Variants in RASL12 observed in about 807,000 individuals in gnomAD.
RASL12 encodes RAS like family 12.
Under a neutral mutation model 22.9 loss-of-function variants are expected in RASL12, and 16 were observed. That is an observed-to-expected ratio of 0.70 (90% confidence interval 0.47 to 1.06). The LOEUF is 1.06. Ranked by LOEUF, RASL12 falls within the 50% of genes least tolerant of loss-of-function variation. The probability of loss-of-function intolerance (pLI) is 0.00; values close to 1 mark genes in which losing one functional copy is unlikely to be tolerated. For synonymous variants in RASL12, 159 were observed against 152.2 expected, an observed-to-expected ratio of 1.04 and a Z score of -0.33; for missense variants, 306 against 353.1, an observed-to-expected ratio of 0.87 and a Z score of 1.07.
chr15:65,070,749 C>A (rs1595910564), upstream of RASL12, among the ~76,000 whole-genome samples: 1 of 152,188 alleles, frequency 6.6e-6, no homozygotes, highest in East Asian at 1.9e-4. Flanking sequence ...GCTTTTGGTA[C>A]CCTTTCGCGA....
chr15:65,046,815 A>G, the RASL12 span, among the ~76,000 whole-genome samples: 1 of 151,568 alleles, frequency 6.6e-6, no homozygotes, highest in Non-Finnish European at 1.5e-5. Flanking sequence ...CAGGAGGCTG[A>G]GGTGAGAGGA....
upstream of RASL12, among the ~76,000 whole-genome samples, chr15:65,072,034 C>T (rs1221551084): frequency 2.0e-5 from 3 of 152,226 alleles, no homozygotes; most frequent in African/African-American, 7.2e-5. Context: ...ACCACTAAGG[C>T]CACCAGCAAG....
chr15:65,058,285 CACAA>C (rs1331629241), intron 4 of RASL12, 138 bp downstream of exon 4: 16 of 658,546 alleles, frequency 2.4e-5, no homozygotes, highest in African/African-American at 3.7e-5. Flanking sequence ...CAAACACACA[CACAA>C]ACAAACATAT....
At chr15:65,075,798 C>G (rs911357266) in intron 1 of RASL12, among the ~76,000 whole-genome samples, 1 of 152,032 alleles carries the variant, frequency 6.6e-6, no homozygotes, top group Non-Finnish European at 1.5e-5. Context: ...AATCAACACT[C>G]TGTATCTAGC....
At chr15:65,045,932 G>A in the RASL12 span, among the ~76,000 whole-genome samples, 1 of 152,184 alleles carries the variant, frequency 6.6e-6, no homozygotes, top group Non-Finnish European at 1.5e-5. Flanking sequence ...TTTGGAGGCC[G>A]AGGCAGGCCG....
the RASL12 span, among the ~76,000 whole-genome samples, chr15:65,046,368 G>T: frequency 6.6e-6 from 1 of 152,132 alleles, no homozygotes; most frequent in Non-Finnish European, 1.5e-5. Context: ...TACTTGGGAG[G>T]CTGAGGCAGG....
intron 2 of RASL12, among the ~76,000 whole-genome samples, chr15:65,063,145 AG>A (rs1170256214): frequency 2.0e-5 from 3 of 152,126 alleles, no homozygotes; most frequent in Non-Finnish European, 2.9e-5. Flanking sequence ...GAAGGCAGGG[AG>A]GAAGACAGAC....
intron 4 of RASL12, among the ~76,000 whole-genome samples, chr15:65,056,544 G>A (rs1328805283): frequency 1.3e-5 from 2 of 152,130 alleles, no homozygotes; most frequent in African/African-American, 4.8e-5. Flanking sequence ...TCATTGTGGG[G>A]GCTTGAATAA....
rs372723731 is a variant in RASL12, at chr15:65,058,479, G to A, written c.373C>T (p.Arg125Cys). 1.4e-5 allele frequency: 22 copies of A among 1,607,698 alleles called. No individual in the cohort carries two copies. Among genetic ancestry groups the A allele is most frequent in the South Asian group, 7.8e-5 (7 of 90,280 alleles). Residue 125 changes from arginine (R) to cysteine (C), a missense_variant, in exon 4 of 5, where the codon CGC (arginine) becomes TGC (cysteine). Arg to Cys is a radical substitution (Grantham distance 180, BLOSUM62 -3). Transcript: ENST00000220062. ...CCCAGCAGCAGGGCAGGGATGCTGC[G>A]CTGTGTCTCCTTCGCGTGCAAGGCA... Reference protein sequence around the residue: ...LLALHAKETQRSIPALLLGNK... With the variant: ...LLALHAKETQCSIPALLLGNK...
the RASL12 span, among the ~76,000 whole-genome samples, chr15:65,047,487 T>G: frequency 6.6e-6 from 1 of 152,158 alleles, no homozygotes; most frequent in Non-Finnish European, 1.5e-5. Flanking sequence ...GAATATCCCA[T>G]GTGTCTAAAT....
chr15:65,056,469 G>C (rs2086733278), intron 4 of RASL12, among the ~76,000 whole-genome samples: 1 of 152,190 alleles, frequency 6.6e-6, no homozygotes, highest in African/African-American at 2.4e-5. Flanking sequence ...GCTTCCTGAG[G>C]AACCCTTTTG....
chr15:65,068,029 G>A (rs2086902419), upstream of RASL12: 13 of 1,125,214 alleles, frequency 1.2e-5, no homozygotes, highest in Non-Finnish European at 1.4e-5. This position sits in a 1 kb window ranked among gnomAD's most constrained non-coding sequence, Gnocchi z 4.2. Flanking sequence ...GGAGCCTGGC[G>A]GGCGGGGCCA....
At chr15:65,075,709 T>A (rs958617654) in intron 1 of RASL12, among the ~76,000 whole-genome samples, 3 of 112,208 alleles carry the variant, frequency 2.7e-5, no homozygotes, top group Admixed American at 2.5e-4. Context: ...ATACACCAAT[T>A]GGCACTCTGT....
chr15:65,071,939 A>G (rs2086934789), upstream of RASL12, among the ~76,000 whole-genome samples: 1 of 152,110 alleles, frequency 6.6e-6, no homozygotes, highest in South Asian at 2.1e-4. Flanking sequence ...TCACATCCCC[A>G]TTCATAACCA....
chr15:65,060,578 A>C (rs534129828), intron 2 of RASL12, among the ~76,000 whole-genome samples: 1 of 152,346 alleles, frequency 6.6e-6, no homozygotes, highest in South Asian at 2.1e-4. Context: ...CCTTGCGGCC[A>C]TGTTGGCAGT....
intron 1 of RASL12, among the ~76,000 whole-genome samples, chr15:65,074,338 G>A (rs1312257458): frequency 3.3e-5 from 5 of 152,102 alleles, no homozygotes; most frequent in East Asian, 3.8e-4. Flanking sequence ...GGGATATTTC[G>A]GATACTGTCC....
chr15:65,049,579 T>C (rs2086622779), downstream of RASL12: 1 of 153,482 alleles, frequency 6.5e-6, no homozygotes, highest in African/African-American at 2.4e-5. Flanking sequence ...GGGCGCGCTG[T>C]GGGCTCGTAG....
chr15:65,061,884 C>T (rs1174258852), intron 2 of RASL12, among the ~76,000 whole-genome samples: 2 of 151,490 alleles, frequency 1.3e-5, no homozygotes, highest in Non-Finnish European at 2.9e-5. Flanking sequence ...CCTGTCTCTA[C>T]TAAAAATACA....
intron 1 of RASL12, among the ~76,000 whole-genome samples, chr15:65,066,793 G>A (rs2086884021): frequency 6.6e-6 from 1 of 151,994 alleles, no homozygotes; most frequent in African/African-American, 2.4e-5. Context: ...TCAGAGAGTA[G>A]GCCCCCAGTG....
Sources: allele counts gnomAD v4.1 joint callset (sites outside exome capture counted in the v4.1 genomes callset), GRCh38; gene constraint gnomAD v4.1.1; non-coding constraint Gnocchi (gnomAD v3.1); transcripts MANE v1.5; gene names NCBI Gene and HGNC (gene_info 2026-07-23, HGNC 2026-07-21).